The following FNBP1L variants were observed in gnomAD, a reference collection of about 807,000 sequenced individuals.
FNBP1L encodes formin-binding protein 1-like.
A neutral mutation model predicts 91.2 loss-of-function variants in FNBP1L; 36 were observed. That is an observed-to-expected ratio of 0.39 (90% CI 0.30 to 0.52). The LOEUF is 0.52. Among genes scored for constraint, FNBP1L ranks in the 20% least tolerant of loss-of-function variants. The pLI is 0.66. For missense variants in FNBP1L, 571 were observed against 732.1 expected (o/e 0.78, Z 2.54); for synonymous variants, 242 against 237.0 (o/e 1.02, Z -0.19).
intron 2 of FNBP1L, among the ~76,000 whole-genome samples, chr1:93,513,233 T>C (rs1292734549): frequency 6.6e-6 from 1 of 151,496 alleles, no homozygotes; most frequent in East Asian, 1.9e-4. Flanking sequence ...AAGTTGAATC[T>C]CTGAATAGAC....
intron 2 of FNBP1L, among the ~76,000 whole-genome samples, chr1:93,509,660 C>T (rs1019694932): frequency 9.8e-5 from 15 of 152,306 alleles, no homozygotes; most frequent in African/African-American, 2.9e-4. Flanking sequence ...GCGTGAGCGA[C>T]GCAGAAGACA....
chr1:93,550,706 A>C (rs544260636), intron 15 of FNBP1L, among the ~76,000 whole-genome samples: 54 of 152,308 alleles, frequency 3.5e-4, no homozygotes, highest in Middle Eastern at 3.4e-3. Context: ...AGTTAACTTC[A>C]TCCGTTACAT....
At chr1:93,486,447 C>CTTT (rs200220219) in intron 1 of FNBP1L, among the ~76,000 whole-genome samples, 45 of 146,010 alleles carry the variant, frequency 3.1e-4, no homozygotes, top group African/African-American at 1.1e-3. Flanking sequence ...TAGCAGAATA[C>CTTT]TTTTTTTTTT....
intron 2 of FNBP1L, among the ~76,000 whole-genome samples, chr1:93,507,101 ACACACACTCTCTCTCTCTCT>A (rs1670656580): frequency 3.0e-4 from 17 of 56,690 alleles, no homozygotes; most frequent in East Asian, 1.5e-3. Flanking sequence ...ACACACACAC[ACACACACTCTCTCTCTCTCT>A]CTCTCTCTCT....
At chr1:93,512,373 A>C (rs1355532443) in intron 2 of FNBP1L, among the ~76,000 whole-genome samples, 1 of 151,712 alleles carries the variant, frequency 6.6e-6, no homozygotes, top group Admixed American at 6.6e-5. Flanking sequence ...CGAGACAGAA[A>C]GTCAACAAGG....
At chr1:93,509,939 C>G (rs573934045) in intron 2 of FNBP1L, among the ~76,000 whole-genome samples, 1 of 152,218 alleles carries the variant, frequency 6.6e-6, no homozygotes, top group Non-Finnish European at 1.5e-5. Flanking sequence ...GATTATATCC[C>G]GCACATGGCT....
chr1:93,508,394 A>G (rs1670706560), intron 2 of FNBP1L, among the ~76,000 whole-genome samples: 1 of 152,118 alleles, frequency 6.6e-6, no homozygotes, highest in South Asian at 2.1e-4. Flanking sequence ...ATGTTTTCCT[A>G]GAAATTTGGA....
intron 2 of FNBP1L, among the ~76,000 whole-genome samples, chr1:93,505,342 G>T (rs1338132806): frequency 6.6e-6 from 1 of 152,140 alleles, no homozygotes; most frequent in Non-Finnish European, 1.5e-5. Context: ...GAACAAAGGA[G>T]ACAGGGTCAT....
chr1:93,510,634 G>C (rs1289872559), intron 2 of FNBP1L, among the ~76,000 whole-genome samples: 1 of 151,814 alleles, frequency 6.6e-6, no homozygotes, highest in African/African-American at 2.4e-5. Flanking sequence ...CTGAGAGAAG[G>C]CTTCAGATGA....
intron 1 of FNBP1L, among the ~76,000 whole-genome samples, chr1:93,488,910 A>G (rs2101715379): frequency 6.6e-6 from 1 of 152,324 alleles, no homozygotes; most frequent in South Asian, 2.1e-4. Context: ...TTTCTCTTTT[A>G]GTGAAGTAGG....
At chr1:93,461,491 T>C (rs535567871) in intron 1 of FNBP1L, among the ~76,000 whole-genome samples, 3 of 152,216 alleles carry the variant, frequency 2.0e-5, no homozygotes, top group African/African-American at 4.8e-5. Flanking sequence ...TTTTGGACTT[T>C]CCTTTGTAGT....
chr1:93,471,848 C>G (rs1338710522), intron 1 of FNBP1L, among the ~76,000 whole-genome samples: 1 of 152,184 alleles, frequency 6.6e-6, no homozygotes, highest in South Asian at 2.1e-4. Flanking sequence ...TTTTAAACAT[C>G]AGCAACAACT....
intron 2 of FNBP1L, among the ~76,000 whole-genome samples, chr1:93,513,146 C>A (rs1670926877): frequency 6.6e-6 from 1 of 152,152 alleles, no homozygotes; most frequent in African/African-American, 2.4e-5. Flanking sequence ...AATACCTCTA[C>A]ACAAATAAAC....
intron 1 of FNBP1L, among the ~76,000 whole-genome samples, chr1:93,456,860 T>C (rs2101684191): frequency 6.6e-6 from 1 of 152,260 alleles, no homozygotes; most frequent in African/African-American, 2.4e-5. Flanking sequence ...TTCAACAAAT[T>C]TGAGTGCTTA....
chr1:93,493,147 C>G lies in FNBP1L; in HGVS notation c.25-6321C>G, dbSNP rs193230763. Among the ~76,000 whole-genome samples the G allele has an allele frequency of 1.8e-3, 272 of 152,122 alleles. 1 individual carries two copies. The highest frequency in any genetic ancestry group is 3.2e-3 in the Non-Finnish European group (219 of 67,996). On this transcript the variant is annotated intron_variant, in intron 1 of 16. Coordinates refer to ENST00000271234, the MANE Select transcript of FNBP1L (RefSeq NM_001164473.3). ...GGCTTGGTGATATGCGCCTATAGTC[C>G]CAGCTACTTGAGAAGCTGAGCTGGA...
At chr1:93,523,941 G>A (rs747340417) in intron 4 of FNBP1L, among the ~76,000 whole-genome samples, 62 of 152,198 alleles carry the variant, frequency 4.1e-4, no homozygotes, top group South Asian at 1.7e-3. Flanking sequence ...GGCTTAAAAA[G>A]CCTGCAATAT....
intron 1 of FNBP1L, among the ~76,000 whole-genome samples, chr1:93,479,118 A>G (rs1327685486): frequency 2.6e-5 from 4 of 152,136 alleles, no homozygotes; most frequent in Non-Finnish European, 5.9e-5. Flanking sequence ...CAAAGAGAGG[A>G]ATTTTACAGC....
At chr1:93,506,736 A>G (rs1243835737) in intron 2 of FNBP1L, among the ~76,000 whole-genome samples, 1 of 152,190 alleles carries the variant, frequency 6.6e-6, no homozygotes, top group African/African-American at 2.4e-5. Flanking sequence ...ACATTCTGGC[A>G]CTTAGCTGCA....
At chr1:93,523,192 AT>A (rs537919151) in intron 3 of FNBP1L, among the ~76,000 whole-genome samples, 151 bp from the exon 4 acceptor site, 1 of 152,192 alleles carries the variant, frequency 6.6e-6, no homozygotes, top group Non-Finnish European at 1.5e-5. Context: ...TTAATGCAGG[AT>A]TTTTTTCCAT....
Sources: gnomAD v4.1 joint callset for allele counts (sites outside exome capture counted in the v4.1 genomes callset) on GRCh38, gnomAD v4.1.1 for gene constraint, MANE v1.5 for transcripts, NCBI Gene and HGNC (gene_info 2026-07-23, HGNC 2026-07-21) for gene names.